CEP350: variants seen among roughly 807,000 people sequenced by gnomAD.
CEP350 encodes centrosomal protein 350.
CEP350 carries 126 observed loss-of-function variants against 331.8 expected under a neutral mutation model. The observed-to-expected ratio is 0.38, with a 90% confidence interval of 0.33 to 0.44. CEP350 has a LOEUF of 0.44. CEP350 is among the 20% of genes least tolerant of loss of function. The pLI is 1.00. For missense variants in CEP350, 3,406 were observed against 3,634.6 expected, an observed-to-expected ratio of 0.94 and a Z score of 1.62; for synonymous variants, 1,200 against 1,259.5, an observed-to-expected ratio of 0.95 and a Z score of 1.00.
chr1:180,071,224 G>C (rs1658870074), intron 27 of CEP350, among the ~76,000 whole-genome samples: 1 of 150,108 alleles, frequency 6.7e-6, no homozygotes, highest in Non-Finnish European at 1.5e-5. Flanking sequence ...TTGGGAGGCC[G>C]AGGAGGGTGG....
Position 180,110,985 on chromosome 1 carries a change from T to G in CEP350, c.9190-12T>G. 6.2e-7 allele frequency: 1 copy of G among 1,612,274 alleles called. No individual in the cohort carries two copies. Among genetic ancestry groups the G allele is most frequent in the Non-Finnish European group, 8.5e-7 (1 of 1,178,508 alleles). ...CAGGAATTTTCTAACCTTATTGTCT[T>G]CTAAATCCTAGGTTCAGGAGCTCCA... On this transcript the variant is annotated splice_polypyrimidine_tract_variant and intron_variant, in intron 37 of 37. Transcript: ENST00000367607.
chr1:180,051,345 C>A (rs1368434593), intron 22 of CEP350, among the ~76,000 whole-genome samples: 3 of 152,102 alleles, frequency 2.0e-5, no homozygotes, highest in Non-Finnish European at 4.4e-5. Context: ...AAAAAGCAGG[C>A]CCCAAAAGTC....
intron 3 of CEP350, among the ~76,000 whole-genome samples, chr1:179,990,092 G>A (rs1479848588): frequency 6.6e-6 from 1 of 152,054 alleles, no homozygotes; most frequent in African/African-American, 2.4e-5. Flanking sequence ...GGGAGGCTGA[G>A]GGAGAATCTC....
intron 8 of CEP350, among the ~76,000 whole-genome samples, 200 bp downstream of exon 8, chr1:180,006,767 C>T (rs1197193371): frequency 6.6e-6 from 1 of 152,130 alleles, no homozygotes; most frequent in Non-Finnish European, 1.5e-5. Context: ...TGCCTCCCAG[C>T]CCCCAACAAG....
chr1:179,962,446 G>C (rs765896181), intron 1 of CEP350, among the ~76,000 whole-genome samples: 2 of 152,104 alleles, frequency 1.3e-5, no homozygotes, highest in Non-Finnish European at 2.9e-5. Flanking sequence ...GTCTCGCTCT[G>C]TTGCTCACGC....
chr1:180,053,940 T>C lies in CEP350; in HGVS notation c.5174+6T>C. On this transcript the variant is annotated splice_donor_region_variant and intron_variant, in intron 24 of 37. Transcript: ENST00000367607. The stretch of plus-strand genomic sequence containing the variant: ...TGGTTAGAGCATCAAAAAAAGTAAG[T>C]TCTTTTGAGCAGTTTTCACTAATTT... 1 of 1,534,426 alleles carries C rather than the reference T, an allele frequency of 6.5e-7. No homozygotes were observed. The highest frequency in any genetic ancestry group is 8.8e-7 in the Non-Finnish European group (1 of 1,140,122).
At chr1:180,096,866 T>C (rs1259978777) in intron 36 of CEP350, among the ~76,000 whole-genome samples, 1 of 152,232 alleles carries the variant, frequency 6.6e-6, no homozygotes, top group Non-Finnish European at 1.5e-5. Context: ...CAACTTTTAA[T>C]GTGCATGTGA....
intron 19 of CEP350, among the ~76,000 whole-genome samples, chr1:180,042,132 T>TCACACA (rs59048123): frequency 0.059 from 8,711 of 146,788 alleles, 302 homozygotes; most frequent in East Asian, 0.13. Flanking sequence ...GAGTTTTCTC[T>TCACACA]CACACACACA....
chr1:180,022,645 TAC>T, intron 12 of CEP350, 51 bp from the exon 13 acceptor site: 1 of 1,533,030 alleles, frequency 6.5e-7, no homozygotes, highest in Non-Finnish European at 8.9e-7. Flanking sequence ...ATGCTTTTCT[TAC>T]AGTTTCTTGA....
chr1:180,004,910 T>TCTTC (rs1654140729), intron 7 of CEP350, among the ~76,000 whole-genome samples: 1 of 42,858 alleles, frequency 2.3e-5, no homozygotes, highest in Non-Finnish European at 5.2e-5. Context: ...TTGCTTGCTT[T>TCTTC]CTTTCTTTCT....
At chr1:180,074,964 A>G in intron 27 of CEP350, 58 bp from the exon 28 acceptor site, 1 of 1,431,202 alleles carries the variant, frequency 7.0e-7, no homozygotes, top group Admixed American at 2.4e-5. Flanking sequence ...AGAGCTCTCA[A>G]AGTGATCTCT....
intron 5 of CEP350, among the ~76,000 whole-genome samples, chr1:179,995,032 T>G (rs935010022): frequency 1.3e-5 from 2 of 152,200 alleles, no homozygotes; most frequent in African/African-American, 4.8e-5. Context: ...TTCAACATTT[T>G]TAGTAGTCAC....
At chr1:180,023,017 T>G (rs1655431089) in intron 13 of CEP350, among the ~76,000 whole-genome samples, 169 bp downstream of exon 13, 1 of 152,192 alleles carries the variant, frequency 6.6e-6, no homozygotes, top group African/African-American at 2.4e-5. Context: ...CTGCCTTTGT[T>G]TAAATCCAGG....
chr1:180,047,352 T>G (rs1332317327), intron 21 of CEP350, among the ~76,000 whole-genome samples: 1 of 152,096 alleles, frequency 6.6e-6, no homozygotes, highest in Non-Finnish European at 1.5e-5. Context: ...TTTCAATACT[T>G]GAAGCTTAAA....
At chr1:180,100,027 C>T (rs1039831094) in intron 37 of CEP350, among the ~76,000 whole-genome samples, 48 of 152,170 alleles carry the variant, frequency 3.2e-4, no homozygotes, top group African/African-American at 1.0e-3. Flanking sequence ...CACAAGTGAT[C>T]CGCCTGCCTT....
intron 27 of CEP350, among the ~76,000 whole-genome samples, chr1:180,070,567 C>A (rs1398618012): frequency 6.6e-6 from 1 of 152,120 alleles, no homozygotes; most frequent in Non-Finnish European, 1.5e-5. Flanking sequence ...TTGAGGCCCA[C>A]AGAGTTTATG....
At chr1:180,102,723 C>T (rs1276228862) in intron 37 of CEP350, among the ~76,000 whole-genome samples, 1 of 152,180 alleles carries the variant, frequency 6.6e-6, no homozygotes, top group Non-Finnish European at 1.5e-5. Flanking sequence ...TAACTTCAGG[C>T]CTTTAATGTA....
intron 22 of CEP350, among the ~76,000 whole-genome samples, chr1:180,051,513 G>A (rs559431620): frequency 6.6e-6 from 1 of 152,320 alleles, no homozygotes; most frequent in African/African-American, 2.4e-5. Context: ...CTGTTACATA[G>A]AGTAGTTGTT....
chr1:180,073,725 C>A, intron 27 of CEP350: 1 of 1,259,006 alleles, frequency 7.9e-7, no homozygotes, highest in South Asian at 1.3e-5. Context: ...TACGCTTTCC[C>A]TTTCTCATTC....
Sources: allele counts gnomAD v4.1 joint callset (sites outside exome capture counted in the v4.1 genomes callset), GRCh38; gene constraint gnomAD v4.1.1; transcripts MANE v1.5; gene names NCBI Gene and HGNC (gene_info 2026-07-23, HGNC 2026-07-21).